SLX4IP: variants seen among roughly 807,000 people sequenced by gnomAD.
The protein encoded by SLX4IP is SLX4 interacting protein.
A neutral mutation model predicts 32.9 loss-of-function variants in SLX4IP; 34 were observed. That is an observed-to-expected ratio of 1.03 (90% CI 0.79 to 1.38). SLX4IP has a LOEUF of 1.38. Ranked by LOEUF, SLX4IP falls within the 40% of genes most tolerant of loss-of-function variation. The pLI is 0.00. For missense variants in SLX4IP, 444 were observed against 479.0 expected, an observed-to-expected ratio of 0.93 and a Z score of 0.68; for synonymous variants, 172 against 171.7, an observed-to-expected ratio of 1.00 and a Z score of -0.01.
chr20:10,438,472 G>GTTTTTTTTT (rs35297842), intron 1 of SLX4IP, among the ~76,000 whole-genome samples: 7 of 98,876 alleles, frequency 7.1e-5, no homozygotes, highest in Non-Finnish European at 9.9e-5. Flanking sequence ...AGGTGTGTGT[G>GTTTTTTTTT]TTTTTTTTTT....
chr20:10,499,686 C>G (rs1381784194), intron 2 of SLX4IP, among the ~76,000 whole-genome samples: 5 of 152,144 alleles, frequency 3.3e-5, no homozygotes, highest in African/African-American at 4.8e-5. Context: ...AGAACAAGGT[C>G]ATTATTTACC....
chr20:10,503,292 C>A (rs532820766), intron 2 of SLX4IP, among the ~76,000 whole-genome samples: 1 of 152,298 alleles, frequency 6.6e-6, no homozygotes, highest in South Asian at 2.1e-4. Flanking sequence ...CACTGAGTCT[C>A]CCTAACAGCT....
chr20:10,492,520 T>C (rs649718), intron 2 of SLX4IP, among the ~76,000 whole-genome samples: 59,399 of 152,016 alleles, frequency 0.39, 11,829 homozygotes, highest in Non-Finnish European at 0.43. Context: ...GACTGTTTGT[T>C]GTTATCTTTT....
At chr20:10,493,351 T>A (rs2065641252) in intron 2 of SLX4IP, among the ~76,000 whole-genome samples, 1 of 152,190 alleles carries the variant, frequency 6.6e-6, no homozygotes, top group South Asian at 2.1e-4. Flanking sequence ...TCGTTGTTGC[T>A]ACTATAAATT....
At chr20:10,613,156 T>G (rs1443133654) in intron 6 of SLX4IP, 2 of 468,446 alleles carry the variant, frequency 4.3e-6, no homozygotes, top group Non-Finnish European at 3.9e-6. Context: ...AGAAGATCCA[T>G]GGAGGCAAGT....
chr20:10,607,746 T>TAGACTA (rs2066921138), intron 6 of SLX4IP, among the ~76,000 whole-genome samples: 1 of 152,012 alleles, frequency 6.6e-6, no homozygotes, highest in Non-Finnish European at 1.5e-5. Flanking sequence ...TTAGTTTCTC[T>TAGACTA]AGACTAAGAT....
intron 1 of SLX4IP, among the ~76,000 whole-genome samples, chr20:10,441,091 A>C (rs1453513141): frequency 6.6e-6 from 1 of 152,188 alleles, no homozygotes; most frequent in South Asian, 2.1e-4. Context: ...ACCTAAGGAC[A>C]TGCATCAGGT....
chr20:10,528,140 A>G (rs1257755356), intron 2 of SLX4IP, among the ~76,000 whole-genome samples: 2 of 152,092 alleles, frequency 1.3e-5, no homozygotes, highest in African/African-American at 4.8e-5. Context: ...TTTATTTTTA[A>G]CTTTTGCAGT....
chr20:10,468,938 C>T (rs997011809), intron 2 of SLX4IP, among the ~76,000 whole-genome samples: 1 of 152,056 alleles, frequency 6.6e-6, no homozygotes, highest in Non-Finnish European at 1.5e-5. Context: ...TAATCTAAAG[C>T]AGGGGTGTCC....
At chr20:10,610,351 G>A (rs894350520) in intron 6 of SLX4IP, among the ~76,000 whole-genome samples, 3 of 152,234 alleles carry the variant, frequency 2.0e-5, no homozygotes, top group African/African-American at 7.2e-5. Flanking sequence ...GAAAATGAGA[G>A]TATTCACTAC....
intron 2 of SLX4IP, among the ~76,000 whole-genome samples, chr20:10,505,433 GAA>G (rs950377896): frequency 6.6e-6 from 1 of 152,202 alleles, no homozygotes; most frequent in African/African-American, 2.4e-5. Flanking sequence ...TCGGAAAATG[GAA>G]AAGACATAGG....
rs535617387 is a variant in SLX4IP at position 10,525,899 on chromosome 20, G to A, written c.28-30332G>A. Among the ~76,000 whole-genome samples, 4 of 152,254 alleles carry A rather than the reference G, an allele frequency of 2.6e-5. No homozygotes were observed. The South Asian group carries it at 8.3e-4, about 32-fold the overall frequency. Reference sequence around the variant, plus strand: ...CCTTTTTCGGTGGAACACAATTCTAGTAACTTTCTGAGAAGGAATGTGGAT... The same window carrying A: ...CCTTTTTCGGTGGAACACAATTCTAATAACTTTCTGAGAAGGAATGTGGAT... On this transcript the variant is annotated intron_variant, in intron 2 of 7. Transcript: ENST00000334534.
chr20:10,509,092 G>T (rs567686292), intron 2 of SLX4IP, among the ~76,000 whole-genome samples: 5 of 152,284 alleles, frequency 3.3e-5, no homozygotes, highest in South Asian at 2.1e-4. Flanking sequence ...CCGAGTCAGG[G>T]TGTCACTCCC....
At chr20:10,463,716 G>C (rs1351716360) in intron 2 of SLX4IP, among the ~76,000 whole-genome samples, 2 of 152,204 alleles carry the variant, frequency 1.3e-5, no homozygotes. Context: ...GCAACCCTCA[G>C]TTCTCAGTAA....
At chr20:10,468,226 C>T (rs575120145) in intron 2 of SLX4IP, among the ~76,000 whole-genome samples, 1 of 152,282 alleles carries the variant, frequency 6.6e-6, no homozygotes, top group African/African-American at 2.4e-5. Flanking sequence ...TCCTGCTCTG[C>T]AGAGCATCTT....
intron 4 of SLX4IP, among the ~76,000 whole-genome samples, chr20:10,593,545 G>A (rs1021195203): frequency 6.6e-6 from 1 of 152,042 alleles, no homozygotes; most frequent in African/African-American, 2.4e-5. Flanking sequence ...GACTAACCTT[G>A]GCAACATAGG....
chr20:10,461,199 A>C (rs2065334830), intron 2 of SLX4IP, among the ~76,000 whole-genome samples: 1 of 152,252 alleles, frequency 6.6e-6, no homozygotes, highest in Admixed American at 6.5e-5. Flanking sequence ...AACTCTGTTG[A>C]AACTGGCTAT....
intron 2 of SLX4IP, among the ~76,000 whole-genome samples, chr20:10,496,541 G>A (rs1473376224): frequency 6.6e-6 from 1 of 152,052 alleles, no homozygotes; most frequent in African/African-American, 2.4e-5. Flanking sequence ...TCTATCTTTT[G>A]CTTTATCATC....
chr20:10,469,111 T>C (rs1473853013), intron 2 of SLX4IP, among the ~76,000 whole-genome samples: 1 of 152,230 alleles, frequency 6.6e-6, no homozygotes, highest in Admixed American at 6.5e-5. Flanking sequence ...AAAGCCATCC[T>C]GGGCAGCGAG....
Sources: allele counts gnomAD v4.1 joint callset (sites outside exome capture counted in the v4.1 genomes callset), GRCh38; gene constraint gnomAD v4.1.1; transcripts MANE v1.5; gene names NCBI Gene and HGNC (gene_info 2026-07-23, HGNC 2026-07-21).